The following PALD1 variants were observed in gnomAD, a reference collection of about 807,000 sequenced individuals.
The protein encoded by PALD1 is paladin.
A neutral mutation model predicts 96.0 loss-of-function variants in PALD1; 57 were observed. That is an observed-to-expected ratio of 0.59 (90% confidence interval 0.48 to 0.74). The LOEUF (loss-of-function observed/expected upper bound fraction) is 0.74. PALD1 is among the 30% of genes least tolerant of loss of function. The pLI is 0.00. For synonymous variants in PALD1, 464 were observed against 473.6 expected (o/e 0.98, Z 0.26); for missense variants, 1,063 against 1,143.7 (o/e 0.93, Z 1.02).
intron 10 of PALD1, among the ~76,000 whole-genome samples, chr10:70,535,329 A>G: frequency 6.6e-6 from 1 of 152,322 alleles, no homozygotes. Context: ...ATCTAAAGCC[A>G]CAGAGGCAGC....
At chr10:70,557,504 A>G (rs766658276) in intron 18 of PALD1, among the ~76,000 whole-genome samples, 4 of 152,192 alleles carry the variant, frequency 2.6e-5, no homozygotes, top group Admixed American at 2.6e-4. Context: ...AAATTACTTA[A>G]CAAAATATGA....
intron 1 of PALD1, among the ~76,000 whole-genome samples, chr10:70,522,987 T>C (rs997484829): frequency 6.6e-6 from 1 of 151,778 alleles, no homozygotes; most frequent in African/African-American, 2.4e-5. Flanking sequence ...TCTGGCAGAG[T>C]TGAGAGAGAT....
chr10:70,533,054 T>C lies in PALD1; in HGVS notation c.854T>C (p.Phe285Ser). The change falls in exon 7 of 20, where the codon TTT becomes TCT. Residue 285 changes from phenylalanine (F) to serine (S), a missense_variant. Phe to Ser is a radical substitution (Grantham distance 155, BLOSUM62 -2). Transcript: ENST00000263563. ...GSPLEAQLDA[F>S]VSVLRETPSL... ...CCCCTGGAGGCCCAGTTGGACGCCT[T>C]TGTCAGTGTTCTCCGGGTAACTGGG... 1 of 1,582,054 alleles carries C rather than the reference T, an allele frequency of 6.3e-7. No individual in the cohort carries two copies. The highest frequency in any genetic ancestry group is 8.6e-7 in the Non-Finnish European group (1 of 1,163,346).
intron 1 of PALD1, among the ~76,000 whole-genome samples, chr10:70,489,346 A>G (rs559527089): frequency 2.0e-5 from 3 of 152,330 alleles, no homozygotes; most frequent in African/African-American, 7.2e-5. Flanking sequence ...CGATGTGTAG[A>G]TGAACCCCAT....
At chr10:70,487,977 T>C (rs947508662) in intron 1 of PALD1, among the ~76,000 whole-genome samples, 19 of 152,248 alleles carry the variant, frequency 1.2e-4, no homozygotes, top group Admixed American at 7.2e-4. Flanking sequence ...ATATAACAGG[T>C]AGCTTTTAGT....
rs564067828 is a variant in PALD1, at chr10:70,541,715, G to C, written c.2121+181G>C. Among the ~76,000 whole-genome samples, 3 of 152,326 alleles carry C rather than the reference G, an allele frequency of 2.0e-5. No individual in the cohort carries two copies. The East Asian group carries it at 5.8e-4, about 29-fold the overall frequency. On this transcript the variant is annotated intron_variant, in intron 17 of 19. Transcript: ENST00000263563. ...GCCCAGCAAGGCATGGGACAGCTTG[G>C]CTCTGAGGCCCTGGCAGACGGCCGG...
chr10:70,484,553 T>C (rs1348695272), intron 1 of PALD1, among the ~76,000 whole-genome samples: 1 of 151,954 alleles, frequency 6.6e-6, no homozygotes, highest in Non-Finnish European at 1.5e-5. Context: ...TTTGTTTTTT[T>C]TTTTGAGACA....
chr10:70,459,127 A>G, the PALD1 span, among the ~76,000 whole-genome samples: 3 of 119,964 alleles, frequency 2.5e-5, no homozygotes, highest in South Asian at 8.6e-4. Context: ...AGCCCGGTTT[A>G]TAAGAGCCAC....
At chr10:70,479,485 G>T (rs376276663) in intron 1 of PALD1, among the ~76,000 whole-genome samples, 6 of 152,352 alleles carry the variant, frequency 3.9e-5, no homozygotes, top group African/African-American at 1.4e-4. Flanking sequence ...CCCAGGACGA[G>T]TCCAGAAGTC....
intron 8 of PALD1, 138 bp from the exon 9 acceptor site, chr10:70,534,287 C>T (rs1489546878): frequency 1.3e-6 from 1 of 749,944 alleles, no homozygotes; most frequent in Non-Finnish European, 2.2e-6. Context: ...GGGGAAATGT[C>T]CCCTGCTTCC....
intron 12 of PALD1, 104 bp downstream of exon 12, chr10:70,538,512 A>AGGGCTGCAG: frequency 8.2e-7 from 1 of 1,213,860 alleles, no homozygotes; most frequent in Admixed American, 2.2e-5. Flanking sequence ...CCCTTGCAGG[A>AGGGCTGCAG]GGTGAAGAAG....
chr10:70,563,825 C>T (rs371163571), intron 18 of PALD1, among the ~76,000 whole-genome samples: 8 of 152,272 alleles, frequency 5.3e-5, no homozygotes, highest in African/African-American at 1.2e-4. Flanking sequence ...GGCAGAGCCT[C>T]GAGAATGTAG....
At chr10:70,488,239 G>A (rs1325622727) in intron 1 of PALD1, among the ~76,000 whole-genome samples, 1 of 151,894 alleles carries the variant, frequency 6.6e-6, no homozygotes, top group Admixed American at 6.6e-5. Flanking sequence ...TCCCACCTCA[G>A]CCTTCTGAGT....
rs1431919822 is a variant in PALD1, at chr10:70,534,377, G to A, written c.1023-48G>A. 1.6e-5 allele frequency: 21 copies of A among 1,348,576 alleles called. No homozygotes were observed. In the Middle Eastern group the frequency reaches 5.7e-4, roughly 36 times the overall value. 83.5% of individuals were successfully genotyped at this position (1,348,576 alleles called of 1,614,324 possible). ...GTGGAGACAGCAGGCGGGTGGCCGTGTGAGACCTTTGGAAGAGCCTGCTAA... is the reference window on the plus strand; with the variant it reads ...GTGGAGACAGCAGGCGGGTGGCCGTATGAGACCTTTGGAAGAGCCTGCTAA... On this transcript the variant is annotated intron_variant, in intron 8 of 19. Coordinates refer to ENST00000263563, the MANE Select transcript of PALD1 (RefSeq NM_014431.3).
chr10:70,542,113 A>G (rs1847261802), intron 17 of PALD1, among the ~76,000 whole-genome samples: 1 of 151,898 alleles, frequency 6.6e-6, no homozygotes, highest in South Asian at 2.1e-4. Context: ...TTACTGGTTA[A>G]CTTCGCCACT....
At chr10:70,557,930 C>CT (rs781513750) in intron 18 of PALD1, among the ~76,000 whole-genome samples, 6,102 of 92,810 alleles carry the variant, frequency 0.066, 717 homozygotes, top group African/African-American at 0.21. Flanking sequence ...TTGGCTCTTC[C>CT]TTTTTTTTTT....
chr10:70,519,331 T>C (rs1846680562), intron 1 of PALD1, among the ~76,000 whole-genome samples: 1 of 152,174 alleles, frequency 6.6e-6, no homozygotes, highest in African/African-American at 2.4e-5. Context: ...TTCATGGTTC[T>C]AGAGGCTGAG....
chr10:70,522,332 C>T (rs1005805268), intron 1 of PALD1, among the ~76,000 whole-genome samples: 3 of 152,172 alleles, frequency 2.0e-5, no homozygotes, highest in Non-Finnish European at 4.4e-5. Flanking sequence ...GTTGAGTTCA[C>T]CTGAATCATG....
intron 1 of PALD1, among the ~76,000 whole-genome samples, chr10:70,523,308 C>T (rs1320231388): frequency 6.6e-6 from 1 of 152,170 alleles, no homozygotes; most frequent in Non-Finnish European, 1.5e-5. Context: ...TGATGCCTGG[C>T]CTTGGCCTGA....
Sources: gnomAD v4.1 joint callset for allele counts (sites outside exome capture counted in the v4.1 genomes callset) on GRCh38, gnomAD v4.1.1 for gene constraint, MANE v1.5 for transcripts, NCBI Gene and HGNC (gene_info 2026-07-23, HGNC 2026-07-21) for gene names.